The following HSD17B3 variants were observed in gnomAD, a reference collection of about 807,000 sequenced individuals.
The protein encoded by HSD17B3 is 17-beta-hydroxysteroid dehydrogenase type 3.
Under a neutral mutation model 41.1 loss-of-function variants are expected in HSD17B3, and 29 were observed. The ratio of observed to expected loss-of-function variants is 0.71; its 90% confidence interval spans 0.53 to 0.96. The LOEUF is 0.96. HSD17B3 is among the 40% of genes least tolerant of loss of function. HSD17B3 has a pLI of 0.00. For missense variants in HSD17B3, 323 were observed against 374.6 expected, an observed-to-expected ratio of 0.86 and a Z score of 1.14; for synonymous variants, 126 against 145.6, an observed-to-expected ratio of 0.87 and a Z score of 0.97.
At chr9:96,252,221 T>A (rs1048009897) in intron 4 of HSD17B3, among the ~76,000 whole-genome samples, 1 of 152,168 alleles carries the variant, frequency 6.6e-6, no homozygotes, top group Non-Finnish European at 1.5e-5. Context: ...GTCAGTTCCA[T>A]AAAAGAAAAT....
At chr9:96,301,348 TC>T (rs1827593421) in intron 1 of HSD17B3, among the ~76,000 whole-genome samples, 1 of 142,702 alleles carries the variant, frequency 7.0e-6, no homozygotes, top group Admixed American at 6.9e-5. Flanking sequence ...GGAGGCCGAG[TC>T]GGGTGAATCA....
chr9:96,286,853 C>A (rs1041175563), intron 2 of HSD17B3, among the ~76,000 whole-genome samples: 1 of 152,182 alleles, frequency 6.6e-6, no homozygotes, highest in African/African-American at 2.4e-5. Context: ...ATAATCCACC[C>A]CTTGTTTAGC....
At chr9:96,235,701 A>G (rs1587704741) in intron 10 of HSD17B3, 131 bp from the exon 11 acceptor site, 1 of 792,670 alleles carries the variant, frequency 1.3e-6, no homozygotes, top group Non-Finnish European at 2.1e-6. Context: ...GTAATTGATA[A>G]AGTTTAAGGG....
chr9:96,246,635 C>T (rs1267099193), intron 6 of HSD17B3, 45 bp from the exon 7 acceptor site: 1 of 1,576,614 alleles, frequency 6.3e-7, no homozygotes, highest in African/African-American at 1.3e-5. Flanking sequence ...AACTAAGTAG[C>T]AGTGCAAGGG....
At chr9:96,251,321 T>C in intron 5 of HSD17B3, 97 bp downstream of exon 5, 1 of 1,002,142 alleles carries the variant, frequency 1.0e-6, no homozygotes, top group South Asian at 1.3e-5. Context: ...GCCAGATGCA[T>C]GCTTCCATCA....
intron 8 of HSD17B3, among the ~76,000 whole-genome samples, chr9:96,244,858 C>T (rs1383075251): frequency 6.6e-6 from 1 of 152,042 alleles, no homozygotes. Flanking sequence ...ACCAGCTTGC[C>T]TTGATGGGAG....
rs923281714 is a variant in HSD17B3, at chr9:96,279,424, A to G, written c.201+18992T>C. On this transcript the variant is annotated intron_variant, in intron 2 of 10. Coordinates refer to ENST00000375263, the MANE Select transcript of HSD17B3 (RefSeq NM_000197.2). ...GATTGGTAATTGGTTGAAAAAGTTTATCTAAACACCTGGAATCAAGAGAAG... is the reference window on the plus strand; with the variant it reads ...GATTGGTAATTGGTTGAAAAAGTTTGTCTAAACACCTGGAATCAAGAGAAG... Among the ~76,000 whole-genome samples the G allele has an allele frequency of 2.6e-5, 4 of 152,224 alleles. No homozygotes were observed. The East Asian group carries it at 5.8e-4, about 22-fold the overall frequency.
chr9:96,258,984 G>C (rs963147894), intron 2 of HSD17B3, among the ~76,000 whole-genome samples: 2 of 152,130 alleles, frequency 1.3e-5, no homozygotes, highest in Non-Finnish European at 2.9e-5. Context: ...GCTGAGAGAG[G>C]GTTTGTCATC....
intron 2 of HSD17B3, among the ~76,000 whole-genome samples, chr9:96,255,892 C>T (rs886918257): frequency 6.6e-6 from 1 of 151,998 alleles, no homozygotes; most frequent in Non-Finnish European, 1.5e-5. Flanking sequence ...CAGAGGGCTG[C>T]GTGAAGGGGT....
intron 2 of HSD17B3, among the ~76,000 whole-genome samples, chr9:96,293,287 T>A (rs1378342990): frequency 6.6e-6 from 1 of 152,140 alleles, no homozygotes; most frequent in Non-Finnish European, 1.5e-5. Flanking sequence ...GTAAAGCATA[T>A]TACACTCCAT....
chr9:96,266,076 A>G (rs1409527195), intron 2 of HSD17B3, among the ~76,000 whole-genome samples: 2 of 152,242 alleles, frequency 1.3e-5, no homozygotes, highest in Non-Finnish European at 2.9e-5. Context: ...AATATGAGGA[A>G]TTTTAAATGA....
At chr9:96,299,161 GTCAC>G (rs1359797435) in intron 1 of HSD17B3, among the ~76,000 whole-genome samples, 1 of 152,132 alleles carries the variant, frequency 6.6e-6, no homozygotes, top group Admixed American at 6.5e-5. Context: ...TCGTGAGAAC[GTCAC>G]AATTTCAAAA....
At chr9:96,253,395 TCTC>T (rs1369358335) in intron 3 of HSD17B3, among the ~76,000 whole-genome samples, 2 of 152,156 alleles carry the variant, frequency 1.3e-5, no homozygotes, top group Non-Finnish European at 2.9e-5. Flanking sequence ...AAGTGTCAAG[TCTC>T]CTCCACACAG....
intron 2 of HSD17B3, among the ~76,000 whole-genome samples, chr9:96,288,370 T>C (rs1327485488): frequency 1.3e-5 from 2 of 152,234 alleles, no homozygotes; most frequent in Non-Finnish European, 2.9e-5. Flanking sequence ...ATATTCACTC[T>C]CACAGGTGAT....
At chr9:96,246,751 C>G (rs566961336) in intron 6 of HSD17B3, 161 bp from the exon 7 acceptor site, 14 of 714,322 alleles carry the variant, frequency 2.0e-5, no homozygotes, top group East Asian at 1.3e-4. Context: ...TCACTCTGGC[C>G]ACATTAGAGT....
intron 10 of HSD17B3, chr9:96,239,586 C>T (rs8190563): frequency 6.6e-6 from 1 of 152,198 alleles, no homozygotes; most frequent in African/African-American, 2.4e-5. Flanking sequence ...TAAGTCCCAG[C>T]AGATAAAGGA....
chr9:96,250,068 T>A lies in HSD17B3; in HGVS notation c.454-282A>T, dbSNP rs896085374. 1.1e-5 allele frequency: 15 copies of A among 1,395,912 alleles called. No individual in the cohort carries two copies. The African/African-American group carries it at 2.2e-4, about 20-fold the overall frequency. 86.5% of individuals were successfully genotyped at this position (1,395,912 alleles called of 1,614,324 possible). ...AACTATATTCCTGGAGGAATATAAA[T>A]ACGGTTTTTCAAAGGGAGCTACTCC... On this transcript the variant is annotated intron_variant, in intron 5 of 10. Transcript: ENST00000375263.
chr9:96,295,252 A>G (rs1201827082), intron 2 of HSD17B3, among the ~76,000 whole-genome samples: 1 of 150,918 alleles, frequency 6.6e-6, no homozygotes, highest in East Asian at 2.0e-4. Flanking sequence ...TGATCTGCCC[A>G]CCTTGGCCTC....
chr9:96,253,944 C>G (rs760766182), intron 3 of HSD17B3, among the ~76,000 whole-genome samples: 1 of 152,026 alleles, frequency 6.6e-6, no homozygotes, highest in Non-Finnish European at 1.5e-5. Context: ...CCCACACCTC[C>G]CACACCCATC....
Sources: gnomAD v4.1 joint callset for allele counts (sites outside exome capture counted in the v4.1 genomes callset) on GRCh38, gnomAD v4.1.1 for gene constraint, MANE v1.5 for transcripts, NCBI Gene and HGNC (gene_info 2026-07-23, HGNC 2026-07-21) for gene names.